Variants in WWP1 observed in about 807,000 individuals in gnomAD.
The protein encoded by WWP1 is WW domain containing E3 ubiquitin protein ligase 1.
WWP1 carries 49 observed loss-of-function variants against 130.6 expected under a neutral mutation model. The observed-to-expected ratio is 0.38, with a 90% CI of 0.30 to 0.48. WWP1 has a LOEUF of 0.48. WWP1 is among the 20% of genes least tolerant of loss of function. The probability of loss-of-function intolerance (pLI) is 0.99; values close to 1 mark genes in which losing one functional copy is unlikely to be tolerated. For synonymous variants in WWP1, 332 were observed against 367.8 expected (o/e 0.90, Z 1.11); for missense variants, 809 against 1,100.6 (o/e 0.74, Z 3.75).
intron 5 of WWP1, among the ~76,000 whole-genome samples, chr8:86,386,183 C>A (rs562395449): frequency 6.6e-6 from 1 of 152,266 alleles, no homozygotes; most frequent in South Asian, 2.1e-4. Flanking sequence ...TATCACTAAT[C>A]ATGTCCTTGG....
rs537706987 is a variant in WWP1, at chr8:86,437,575, A to G, written c.1750-1010A>G. 8.5e-5 allele frequency among the ~76,000 whole-genome samples: 13 copies of G among 152,272 alleles called. No individual in the cohort carries two copies. The East Asian group carries it at 1.9e-3, about 23-fold the overall frequency. On this transcript the variant is annotated intron_variant, in intron 16 of 24. Coordinates refer to ENST00000517970, the MANE Select transcript of WWP1 (RefSeq NM_007013.4). Reference sequence around the variant, plus strand: ...CTTGTCATTAACCCAAAATAGAACTATCCATTTAATACTAGAAGGAGGAAA... The same window carrying G: ...CTTGTCATTAACCCAAAATAGAACTGTCCATTTAATACTAGAAGGAGGAAA...
chr8:86,427,956 A>AT (rs1293236355), intron 11 of WWP1, 139 bp downstream of exon 11: 5 of 662,282 alleles, frequency 7.5e-6, no homozygotes, highest in Non-Finnish European at 1.1e-5. Context: ...GTTACAAGAT[A>AT]TTTTTTAGTT....
intron 20 of WWP1, among the ~76,000 whole-genome samples, chr8:86,451,574 A>AAGTTGG (rs772875045): frequency 1.1e-4 from 16 of 151,622 alleles, no homozygotes; most frequent in Non-Finnish European, 2.1e-4. Context: ...ATGGGAAGAA[A>AAGTTGG]AGTTGGAGTT....
intron 9 of WWP1, among the ~76,000 whole-genome samples, chr8:86,414,297 A>T (rs2130582627): frequency 6.6e-6 from 1 of 152,268 alleles, no homozygotes; most frequent in South Asian, 2.1e-4. Context: ...AATCTGGTAT[A>T]CACAGAGATA....
chr8:86,388,368 CCA>C lies in WWP1; in HGVS notation c.334+6742_334+6743del, dbSNP rs1825413456. Reference sequence around the variant, plus strand: ...CTCCTGGACTCAAGCGATCCTCCCACCACAGTCTTCTGAGGCCACTACGCTTG... The same window carrying C: ...CTCCTGGACTCAAGCGATCCTCCCACCAGTCTTCTGAGGCCACTACGCTTG... On this transcript the variant is annotated intron_variant, in intron 5 of 24. Transcript: ENST00000517970. 4.6e-5 allele frequency among the ~76,000 whole-genome samples: 7 copies of C among 152,128 alleles called. No homozygotes were observed. The South Asian group carries it at 1.5e-3, about 32-fold the overall frequency.
At chr8:86,420,027 C>G (rs1050280170) in intron 9 of WWP1, among the ~76,000 whole-genome samples, 9 of 152,150 alleles carry the variant, frequency 5.9e-5, no homozygotes, top group Non-Finnish European at 8.8e-5. Context: ...TATGCATATC[C>G]TAGGTTTCCA....
chr8:86,437,031 A>G (rs1375852262), intron 16 of WWP1, among the ~76,000 whole-genome samples: 1 of 151,926 alleles, frequency 6.6e-6, no homozygotes, highest in Non-Finnish European at 1.5e-5. Context: ...GATTGATTTT[A>G]GTAAATGTAC....
intron 5 of WWP1, among the ~76,000 whole-genome samples, chr8:86,390,635 A>G (rs943466786): frequency 1.3e-5 from 2 of 148,814 alleles, no homozygotes; most frequent in African/African-American, 4.9e-5. Context: ...GTGAACCGAG[A>G]TGGCGGCAGC....
rs1811546712 is a variant in WWP1, at chr8:86,457,901, A to AT, written c.2395-18dup. 1 of 1,604,460 alleles carries AT rather than the reference A, an allele frequency of 6.2e-7. No individual in the cohort carries two copies. Among genetic ancestry groups the AT allele is most frequent in the Non-Finnish European group, 8.5e-7 (1 of 1,173,088 alleles). The stretch of plus-strand genomic sequence containing the variant: ...TTCACTAAATCTTTATTGTGGCCTG[A>AT]TTCTGTGCTCATTTCCCAGGTTATG... On this transcript the variant is annotated intron_variant, in intron 21 of 24. Transcript: ENST00000517970.
intron 23 of WWP1, 36 bp from the exon 24 acceptor site, chr8:86,461,738 G>A: frequency 6.4e-7 from 1 of 1,565,978 alleles, no homozygotes; most frequent in Non-Finnish European, 8.8e-7. Flanking sequence ...AAAGTTTAAA[G>A]GACCAGATAA....
At chr8:86,347,014 A>G (rs532778983) in intron 1 of WWP1, among the ~76,000 whole-genome samples, 1 of 151,786 alleles carries the variant, frequency 6.6e-6, no homozygotes, top group East Asian at 1.9e-4. Context: ...ATTTTATTTT[A>G]TTTATTTATT....
At chr8:86,414,517 G>C (rs754838137) in intron 9 of WWP1, among the ~76,000 whole-genome samples, 1 of 152,192 alleles carries the variant, frequency 6.6e-6, no homozygotes, top group Non-Finnish European at 1.5e-5. Context: ...GCACCAGGCT[G>C]TGTAACCCTT....
chr8:86,400,690 C>T (rs1238241896), intron 7 of WWP1, among the ~76,000 whole-genome samples: 11 of 152,178 alleles, frequency 7.2e-5, no homozygotes, highest in Non-Finnish European at 7.3e-5. Context: ...TATAATTTTA[C>T]CACCTGGCAT....
intron 20 of WWP1, among the ~76,000 whole-genome samples, chr8:86,448,894 C>T (rs1289649611): frequency 2.0e-5 from 3 of 152,224 alleles, no homozygotes; most frequent in Admixed American, 1.3e-4. Flanking sequence ...GTCGTAGTGG[C>T]GTGATCATAG....
rs1372794966 is a variant in WWP1, at chr8:86,405,305, G to GAAC, written c.724+3104_724+3105insCAA. Among the ~76,000 whole-genome samples the GAAC allele has an allele frequency of 6.1e-5, 9 of 148,262 alleles. No homozygotes were observed. In the East Asian group the frequency reaches 1.8e-3, roughly 30 times the overall value. ...TCTTAATCTGCAGTTCCACAATCTT[G>GAAC]AAATCTCTGAAACCAAAAGGATTTT... On this transcript the variant is annotated intron_variant, in intron 8 of 24. Transcript: ENST00000517970.
chr8:86,452,187 T>C (rs1279305918), intron 20 of WWP1, among the ~76,000 whole-genome samples: 1 of 152,076 alleles, frequency 6.6e-6, no homozygotes, highest in African/African-American at 2.4e-5. Flanking sequence ...TAGCTGTTCC[T>C]TCCCGGTGGG....
At chr8:86,346,139 G>T (rs1482251334) in intron 1 of WWP1, among the ~76,000 whole-genome samples, 1 of 152,170 alleles carries the variant, frequency 6.6e-6, no homozygotes, top group East Asian at 1.9e-4. Context: ...TACTCTCCTT[G>T]TTTAATATGT....
At chr8:86,440,535 TAAGAAC>T in intron 17 of WWP1, 1 of 352,412 alleles carries the variant, frequency 2.8e-6, no homozygotes, top group Admixed American at 3.8e-5. Flanking sequence ...CAGCCCCTTG[TAAGAAC>T]CTTATTTTTC....
intron 3 of WWP1, among the ~76,000 whole-genome samples, chr8:86,380,521 G>A (rs1442339220): frequency 6.6e-6 from 1 of 152,200 alleles, no homozygotes; most frequent in African/African-American, 2.4e-5. Context: ...TATATGATAT[G>A]TGAATGATAG....
Sources: allele counts gnomAD v4.1 joint callset (sites outside exome capture counted in the v4.1 genomes callset), GRCh38; gene constraint gnomAD v4.1.1; transcripts MANE v1.5; gene names NCBI Gene and HGNC (gene_info 2026-07-23, HGNC 2026-07-21).